The following GRIA1 variants were observed in gnomAD, a reference collection of about 807,000 sequenced individuals.
GRIA1 encodes glutamate receptor 1.
A neutral mutation model predicts 99.2 loss-of-function variants in GRIA1; 31 were observed. The ratio of observed to expected loss-of-function variants is 0.31; its 90% CI spans 0.23 to 0.42. The LOEUF is 0.42. GRIA1 is among the 10% of genes least tolerant of loss of function. The pLI, the probability that GRIA1 is intolerant of heterozygous loss-of-function variation, is 1.00. For missense variants in GRIA1, 782 were observed against 1,157.5 expected, an observed-to-expected ratio of 0.68 and a Z score of 4.71; for synonymous variants, 438 against 432.4, an observed-to-expected ratio of 1.01 and a Z score of -0.16.
rs533123121 is a variant in GRIA1 at position 153,797,767 on chromosome 5, C to G, written c.2385+3032C>G. ...ACACACTGCTGAGAAAAGCCACCCC[C>G]ACAGCCATCACTTTCACAGTATTTG... is the stretch of plus-strand genomic sequence containing the variant. On this transcript the variant is annotated intron_variant, in intron 14 of 15. Transcript: ENST00000285900. Among the ~76,000 whole-genome samples the G allele has an allele frequency of 4.6e-5, 7 of 152,304 alleles. No individual in the cohort carries two copies. In the South Asian group the frequency reaches 1.5e-3, roughly 32 times the overall value.
At chr5:153,581,831 A>G (rs918650372) in intron 2 of GRIA1, among the ~76,000 whole-genome samples, 2 of 150,476 alleles carry the variant, frequency 1.3e-5, no homozygotes, top group African/African-American at 4.9e-5. Context: ...GCTCACTGCA[A>G]TCTCTGCTCC....
intron 11 of GRIA1, among the ~76,000 whole-genome samples, chr5:153,729,836 T>G (rs1484892183): frequency 6.6e-5 from 10 of 152,044 alleles, no homozygotes. Flanking sequence ...TGTAAACAAC[T>G]TAATCAATCA....
chr5:153,769,472 G>T (rs958601875), intron 12 of GRIA1, among the ~76,000 whole-genome samples: 18 of 151,994 alleles, frequency 1.2e-4, no homozygotes, highest in Admixed American at 8.5e-4. Flanking sequence ...AGCATCTCAA[G>T]TGGAAAAAAC....
At chr5:153,547,218 T>C (rs1759691469) in intron 2 of GRIA1, among the ~76,000 whole-genome samples, 1 of 152,130 alleles carries the variant, frequency 6.6e-6, no homozygotes, top group South Asian at 2.1e-4. Context: ...TTAGTGTATG[T>C]GATGTGTGGT....
chr5:153,628,676 T>A (rs1767863308), intron 2 of GRIA1, among the ~76,000 whole-genome samples: 2 of 152,252 alleles, frequency 1.3e-5, no homozygotes, highest in African/African-American at 4.8e-5. Flanking sequence ...CAGATCCTTG[T>A]ATATGAGCAT....
intron 11 of GRIA1, among the ~76,000 whole-genome samples, chr5:153,751,088 G>A (rs1016173678): frequency 1.2e-4 from 19 of 152,098 alleles, no homozygotes; most frequent in Non-Finnish European, 1.3e-4. Flanking sequence ...CAACAAGAGC[G>A]AGACTCTGTC....
chr5:153,638,112 C>T (rs1321342786), intron 2 of GRIA1, among the ~76,000 whole-genome samples: 3 of 152,170 alleles, frequency 2.0e-5, no homozygotes, highest in Non-Finnish European at 2.9e-5. Context: ...GACTTGCATT[C>T]ATTCATTTAT....
chr5:153,609,556 T>C (rs386352444), intron 2 of GRIA1, among the ~76,000 whole-genome samples: 1 of 9,616 alleles, frequency 1.0e-4, no homozygotes, highest in South Asian at 1.7e-3. Context: ...GACTCTTTTC[T>C]TTTTTTTTTT....
At chr5:153,741,372 T>C (rs1333928489) in intron 11 of GRIA1, among the ~76,000 whole-genome samples, 1 of 152,196 alleles carries the variant, frequency 6.6e-6, no homozygotes, top group East Asian at 1.9e-4. Flanking sequence ...AAAATAAAAC[T>C]ACCATATTAT....
At chr5:153,537,911 C>T (rs1306351845) in intron 2 of GRIA1, among the ~76,000 whole-genome samples, 1 of 152,184 alleles carries the variant, frequency 6.6e-6, no homozygotes, top group African/African-American at 2.4e-5. Flanking sequence ...AGCTTGTGCT[C>T]TTACCAGCCC....
intron 2 of GRIA1, among the ~76,000 whole-genome samples, chr5:153,603,994 A>G (rs1765233995): frequency 6.6e-6 from 1 of 152,232 alleles, no homozygotes; most frequent in Non-Finnish European, 1.5e-5. Context: ...ATATTTACAT[A>G]CATTTATGAT....
At chr5:153,510,504 G>A (rs1405934039) in intron 2 of GRIA1, among the ~76,000 whole-genome samples, 2 of 152,130 alleles carry the variant, frequency 1.3e-5, no homozygotes, top group Non-Finnish European at 2.9e-5. Flanking sequence ...GAAAGGTTGG[G>A]GGTGAAATCG....
rs1448045737 is a variant in GRIA1, at chr5:153,674,599, A to G, written c.799A>G (p.Met267Val). The change falls in exon 6 of 16, where the codon ATG becomes GTG. Residue 267 changes from methionine to valine, a missense_variant. Met to Val is a conservative substitution (Grantham distance 21). Transcript: ENST00000285900. The part of the protein sequence containing the change: ...NYTDTIPAKI[M>V]QQWKNSDARD... ...CACAGACACTATTCCGGCCAAGATC[A>G]TGCAGCAGTGGAAGAATAGTGATGC... The G allele has an allele frequency of 8.7e-6, 14 of 1,614,020 alleles. No individual in the cohort carries two copies. Among genetic ancestry groups the G allele is most frequent in the Non-Finnish European group, 1.2e-5 (14 of 1,179,998 alleles).
intron 7 of GRIA1, among the ~76,000 whole-genome samples, chr5:153,678,576 C>G (rs1389687594): frequency 6.6e-6 from 1 of 152,130 alleles, no homozygotes; most frequent in Admixed American, 6.5e-5. Context: ...CCTTTCTACC[C>G]CCACCTCAGC....
chr5:153,622,225 A>T (rs1767120804), intron 2 of GRIA1, among the ~76,000 whole-genome samples: 1 of 152,188 alleles, frequency 6.6e-6, no homozygotes, highest in South Asian at 2.1e-4. Flanking sequence ...GATGCCCTGC[A>T]CACTTAAGTG....
At chr5:153,634,220 A>G (rs1270104364) in intron 2 of GRIA1, among the ~76,000 whole-genome samples, 1 of 151,596 alleles carries the variant, frequency 6.6e-6, no homozygotes, top group Non-Finnish European at 1.5e-5. Context: ...CGGGAGGCTG[A>G]GGCAGGAGAA....
At chr5:153,730,243 C>T (rs1302164370) in intron 11 of GRIA1, among the ~76,000 whole-genome samples, 1 of 152,026 alleles carries the variant, frequency 6.6e-6, no homozygotes, top group African/African-American at 2.4e-5. Context: ...GGTCTGAGGA[C>T]TGCATTTCAA....
At chr5:153,602,695 C>G (rs577146545) in intron 2 of GRIA1, among the ~76,000 whole-genome samples, 4 of 152,168 alleles carry the variant, frequency 2.6e-5, no homozygotes, top group Non-Finnish European at 4.4e-5. Context: ...CTAGTTGCCA[C>G]TTTACCCCAG....
At chr5:153,653,589 C>T (rs1213897641) in intron 4 of GRIA1, among the ~76,000 whole-genome samples, 5 of 152,010 alleles carry the variant, frequency 3.3e-5, no homozygotes, top group Non-Finnish European at 7.4e-5. Flanking sequence ...GAGAATAGAC[C>T]AGGACCTGTT....
Sources: gnomAD v4.1 joint callset for allele counts (sites outside exome capture counted in the v4.1 genomes callset) on GRCh38, gnomAD v4.1.1 for gene constraint, MANE v1.5 for transcripts, NCBI Gene and HGNC (gene_info 2026-07-23, HGNC 2026-07-21) for gene names.